Variants in SGK1 observed in about 807,000 individuals in gnomAD.
The protein encoded by SGK1 is serine/threonine-protein kinase Sgk1.
Under a neutral mutation model 64.2 loss-of-function variants are expected in SGK1, and 26 were observed. The ratio of observed to expected loss-of-function variants is 0.40; its 90% confidence interval spans 0.30 to 0.56. The LOEUF is 0.56. SGK1 is among the 20% of genes least tolerant of loss of function. The pLI is 0.38. For synonymous variants in SGK1, 265 were observed against 239.7 expected, an observed-to-expected ratio of 1.11 and a Z score of -0.98; for missense variants, 519 against 645.6, an observed-to-expected ratio of 0.80 and a Z score of 2.12.
At chr6:134,235,725 C>G (rs1429604717) in intron 2 of SGK1, among the ~76,000 whole-genome samples, 1 of 151,896 alleles carries the variant, frequency 6.6e-6, no homozygotes, top group Non-Finnish European at 1.5e-5. Flanking sequence ...GCATGCACCA[C>G]CATGCCTGGC....
intron 1 of SGK1, among the ~76,000 whole-genome samples, chr6:134,271,713 A>C (rs1335432967): frequency 6.8e-6 from 1 of 147,830 alleles, no homozygotes; most frequent in African/African-American, 2.4e-5. Flanking sequence ...ATCACCCAGG[A>C]ATTAAGCCTA....
intron 1 of SGK1, among the ~76,000 whole-genome samples, chr6:134,265,912 G>A (rs1276339084): frequency 6.6e-6 from 1 of 151,508 alleles, no homozygotes; most frequent in Non-Finnish European, 1.5e-5. Context: ...CAAAATGCTG[G>A]GATTACAGGC....
chr6:134,266,528 C>T (rs1372519508), intron 1 of SGK1, among the ~76,000 whole-genome samples: 3 of 152,006 alleles, frequency 2.0e-5, no homozygotes, highest in Admixed American at 6.6e-5. Flanking sequence ...AGCAGAAGAA[C>T]GGCTTGAACC....
intron 1 of SGK1, among the ~76,000 whole-genome samples, chr6:134,295,342 TGA>T (rs1489061645): frequency 6.6e-6 from 1 of 152,212 alleles, no homozygotes; most frequent in Non-Finnish European, 1.5e-5. Context: ...GGCTCTGTTT[TGA>T]GAGTCACAAT....
At position 134,174,151 on chromosome 6, in the gene SGK1, T is replaced by TC. The variant is rs1775131445; in HGVS notation, c.438-72_438-71insG. On this transcript the variant is annotated intron_variant, in intron 4 of 13. Transcript: ENST00000367858. Reference sequence around the variant, plus strand: ...GGGGCACACCAACATCAAAAGTGAGTTTCTGGCTCTACCGACTTCTACCCG... The same window carrying TC: ...GGGGCACACCAACATCAAAAGTGAGTCTTCTGGCTCTACCGACTTCTACCCG... 5 of 1,113,536 alleles carry TC rather than the reference T, an allele frequency of 4.5e-6. No homozygotes were observed. In the African/African-American group the frequency reaches 8.2e-5, roughly 18 times the overall value. The allele number at this position is 1,113,536 out of a possible 1,614,324, so 69.0% of individuals were successfully genotyped here. A position where few individuals can be genotyped will look rare whatever the true frequency, so the allele number is the denominator to read the frequency against.
At chr6:134,257,403 CA>C (rs1013668011) in intron 2 of SGK1, among the ~76,000 whole-genome samples, 1 of 152,072 alleles carries the variant, frequency 6.6e-6, no homozygotes, top group Non-Finnish European at 1.5e-5. Context: ...AACTTCATCT[CA>C]AAAAAACCCA....
At position 134,170,033 on chromosome 6, in the gene SGK1, T is replaced by A. The variant is rs981115948; in HGVS notation, c.*235A>T. ...CTAAGGCGGCACTCTAACGCTCGTTTCAGAGATAGCACCACGTTGGAAGGA... is the reference window on the plus strand; with the variant it reads ...CTAAGGCGGCACTCTAACGCTCGTTACAGAGATAGCACCACGTTGGAAGGA... On this transcript the variant is annotated 3_prime_UTR_variant, in exon 14 of 14. Transcript: ENST00000367858. The A allele has an allele frequency of 3.6e-5, 12 of 335,514 alleles. No homozygotes were observed. The highest frequency in any genetic ancestry group is 6.0e-5 in the Non-Finnish European group (11 of 181,848). The allele number at this position is 335,514 out of a possible 1,614,324, so 20.8% of individuals were successfully genotyped here.
rs146718518 is a variant in SGK1, at chr6:134,174,064, T to C, written c.454A>G (p.Ile152Val). 2.4e-5 allele frequency: 38 copies of C among 1,613,320 alleles called. No individual in the cohort carries two copies. Among genetic ancestry groups the C allele is most frequent in the African/African-American group, 1.6e-4 (12 of 74,916 alleles). ...YACKHPEVQS[I>V]LKISQPQEPE... Reference sequence around the variant, plus strand: ...TCCTGAGGTTGGGAGATCTTCAAGATGGACTGAACTTCAGGGCTGCAGGGA... The same window carrying C: ...TCCTGAGGTTGGGAGATCTTCAAGACGGACTGAACTTCAGGGCTGCAGGGA... The change falls in exon 5 of 14, where the codon ATC (isoleucine) becomes GTC (valine). Residue 152 changes from isoleucine to valine, a missense_variant. Physicochemically the swap from Ile to Val is conservative, Grantham distance 29. Around this residue, in one of 2 missense-constraint regions of SGK1, gnomAD observed 241 missense variants for 236.9 expected, o/e 1.02. Coordinates refer to ENST00000367858, the MANE Select transcript of SGK1 (RefSeq NM_001143676.3).
Position 134,189,227 on chromosome 6 carries a change from T to C in SGK1, c.362-14641A>G, listed in dbSNP as rs553856987. ...ACAGGTGTGTGTGTGTGTGTGTGTG[T>C]GCGTGTGCGTGTGCATGTGTGTATA... On this transcript the variant is annotated intron_variant, in intron 3 of 13. Transcript: ENST00000367858. Among the ~76,000 whole-genome samples the C allele has an allele frequency of 8.0e-3, 1,066 of 132,762 alleles. 10 individuals are homozygous for C. Among genetic ancestry groups the C allele is most frequent in the African/African-American group, 0.03 (997 of 32,696 alleles). The allele number at this position is 132,762 out of a possible 152,430, so 87.1% of individuals were successfully genotyped here.
At chr6:134,175,447 C>T (rs1227389323) in intron 3 of SGK1, 4 of 1,312,564 alleles carry the variant, frequency 3.0e-6, no homozygotes, top group Non-Finnish European at 3.9e-6. Context: ...GCCGCCGGGA[C>T]CCCGGCCCCG....
At chr6:134,175,924 C>G in intron 3 of SGK1, 1 of 1,155,566 alleles carries the variant, frequency 8.7e-7, no homozygotes, top group Non-Finnish European at 1.1e-6. Flanking sequence ...AGGGAGAGGT[C>G]AGGAATGTGG....
At chr6:134,196,319 G>T (rs1371974924) in intron 3 of SGK1, among the ~76,000 whole-genome samples, 1 of 151,828 alleles carries the variant, frequency 6.6e-6, no homozygotes, top group African/African-American at 2.4e-5. Context: ...ACCTGCCTTG[G>T]CCTCCCAAAG....
At chr6:134,269,957 T>C (rs1735928401) in intron 1 of SGK1, among the ~76,000 whole-genome samples, 1 of 148,008 alleles carries the variant, frequency 6.8e-6, no homozygotes, top group African/African-American at 2.4e-5. Context: ...GTTGTACTTT[T>C]GTTGACCAGG....
chr6:134,173,834 AAAT>A (rs1478128675), intron 5 of SGK1, 168 bp downstream of exon 5: 4 of 607,192 alleles, frequency 6.6e-6, no homozygotes, highest in Non-Finnish European at 1.1e-5. Context: ...GAAAAAAATA[AAAT>A]AATACTCTGA....
At chr6:134,226,855 T>C (rs979317109) in intron 2 of SGK1, among the ~76,000 whole-genome samples, 4 of 151,932 alleles carry the variant, frequency 2.6e-5, no homozygotes, top group Admixed American at 6.6e-5. Flanking sequence ...TTGGCTAATT[T>C]GTTTTTATTT....
chr6:134,201,674 T>A (rs1483489333), intron 3 of SGK1, among the ~76,000 whole-genome samples: 8 of 152,174 alleles, frequency 5.3e-5, no homozygotes, highest in Non-Finnish European at 1.2e-4. Flanking sequence ...TTATTTCTTG[T>A]ATTATTAAAA....
At chr6:134,248,724 A>G (rs938547144) in intron 2 of SGK1, among the ~76,000 whole-genome samples, 8 of 152,122 alleles carry the variant, frequency 5.3e-5, no homozygotes, top group African/African-American at 1.9e-4. Flanking sequence ...TATACAACCA[A>G]TCTCAACATA....
At chr6:134,303,044 C>T (rs541082905) in intron 1 of SGK1, among the ~76,000 whole-genome samples, 77 of 152,136 alleles carry the variant, frequency 5.1e-4, no homozygotes, top group South Asian at 1.2e-3. Flanking sequence ...CATGAGCCAC[C>T]GTGCCCAGCC....
intron 1 of SGK1, among the ~76,000 whole-genome samples, chr6:134,265,532 T>A (rs985027705): frequency 6.8e-6 from 1 of 147,282 alleles, no homozygotes; most frequent in African/African-American, 2.5e-5. Context: ...TACATATATA[T>A]TTTATATACA....
Sources: allele counts gnomAD v4.1 joint callset (sites outside exome capture counted in the v4.1 genomes callset), GRCh38; gene constraint gnomAD v4.1.1; regional missense constraint gnomAD v4.1.1; transcripts MANE v1.5; gene names NCBI Gene and HGNC (gene_info 2026-07-23, HGNC 2026-07-21).